The following UTRN variants were observed in gnomAD, a reference collection of about 807,000 sequenced individuals.
UTRN encodes the protein utrophin, also known as dystrophin-related protein 1.
Under a neutral mutation model 463.9 loss-of-function variants are expected in UTRN, and 283 were observed. The observed-to-expected ratio is 0.61, with a 90% CI of 0.55 to 0.67. The LOEUF is 0.67. Among genes scored for constraint, UTRN ranks in the 30% least tolerant of loss-of-function variants. UTRN has a pLI of 0.00. For synonymous variants in UTRN, 1,442 were observed against 1,431.5 expected, an observed-to-expected ratio of 1.01 and a Z score of -0.17; for missense variants, 3,922 against 4,084.3, an observed-to-expected ratio of 0.96 and a Z score of 1.08.
At chr6:144,581,130 G>A (rs958319777) in intron 51 of UTRN, among the ~76,000 whole-genome samples, 1 of 152,214 alleles carries the variant, frequency 6.6e-6, no homozygotes, top group African/African-American at 2.4e-5. Flanking sequence ...TAACATCCAG[G>A]AGGAATTGCC....
chr6:144,647,215 A>G (rs1300324987), intron 51 of UTRN, among the ~76,000 whole-genome samples: 1 of 152,210 alleles, frequency 6.6e-6, no homozygotes, highest in Admixed American at 6.5e-5. Context: ...GTGAACTGAT[A>G]TATTTAATTA....
intron 65 of UTRN, among the ~76,000 whole-genome samples, chr6:144,811,596 G>C (rs1325408922): frequency 6.6e-6 from 1 of 151,920 alleles, no homozygotes; most frequent in African/African-American, 2.4e-5. Context: ...AATTTTTTTA[G>C]CTTCATATAT....
intron 69 of UTRN, among the ~76,000 whole-genome samples, chr6:144,829,797 C>T (rs187894082): frequency 2.7e-5 from 4 of 150,804 alleles, no homozygotes; most frequent in African/African-American, 4.9e-5. Context: ...TTTTCTAAAA[C>T]TTGTTTTATT....
At chr6:144,590,191 A>G (rs1562615914) in intron 51 of UTRN, among the ~76,000 whole-genome samples, 1 of 152,128 alleles carries the variant, frequency 6.6e-6, no homozygotes, top group Non-Finnish European at 1.5e-5. Context: ...AAGGAAATAT[A>G]TTCTTTTCAA....
chr6:144,516,957 A>G lies in UTRN; in HGVS notation c.5541+9A>G. On this transcript the variant is annotated intron_variant, in intron 39 of 74. Transcript: ENST00000367545. ...GATACAACAAAATTAAGGTATTATG[A>G]TTGGAGAGTCTCTGTTGCATTTAAA... 1 of 1,458,620 alleles carries G rather than the reference A, an allele frequency of 6.9e-7. No individual in the cohort carries two copies. Among genetic ancestry groups the G allele is most frequent in the Non-Finnish European group, 9.0e-7 (1 of 1,108,996 alleles). 90.4% of individuals were successfully genotyped at this position (1,458,620 alleles called of 1,614,324 possible). A position where few individuals can be genotyped will look rare whatever the true frequency, so the allele number is the denominator to read the frequency against.
chr6:144,464,209 C>G (rs1034576634), intron 23 of UTRN, among the ~76,000 whole-genome samples: 2 of 152,082 alleles, frequency 1.3e-5, no homozygotes, highest in Non-Finnish European at 2.9e-5. Flanking sequence ...AGAAGAGGAG[C>G]TGGAAGACCT....
chr6:144,649,719 GGTATAAGCATTTT>G (rs1385078184), intron 51 of UTRN, among the ~76,000 whole-genome samples: 1 of 151,918 alleles, frequency 6.6e-6, no homozygotes, highest in African/African-American at 2.4e-5. Context: ...GAACTTGCAA[GGTATAAGCATTTT>G]GTATAAGTGT....
At chr6:144,819,700 TA>T (rs1262581780) in intron 65 of UTRN, among the ~76,000 whole-genome samples, 3 of 151,832 alleles carry the variant, frequency 2.0e-5, no homozygotes, top group Non-Finnish European at 4.4e-5. Context: ...CTCAAAAAAA[TA>T]AAAAAAGTTT....
At chr6:144,301,098 T>G (rs1805206101) in intron 2 of UTRN, among the ~76,000 whole-genome samples, 3 of 152,160 alleles carry the variant, frequency 2.0e-5, no homozygotes, top group Admixed American at 2.0e-4. Flanking sequence ...GTGTTCTAGT[T>G]TACTCTGTTA....
At position 144,700,101 on chromosome 6, in the gene UTRN, C is replaced by T. The variant is rs1480156267; in HGVS notation, c.7667C>T (p.Ala2556Val). 2 of 1,602,026 alleles carry T rather than the reference C, an allele frequency of 1.2e-6. No individual in the cohort carries two copies. The highest frequency in any genetic ancestry group is 1.3e-5 in the African/African-American group (1 of 74,630). Reference protein sequence around the residue: ...KSASIRAHLEASAEKWNRLLM... With the variant: ...KSASIRAHLEVSAEKWNRLLM... ...TCTCTCAACAGGGCCCATTTGGAGG[C>T]CAGCGCTGAGAAGTGGAACAGGTTG... Residue 2556 changes from alanine (A) to valine (V), a missense_variant, in exon 53 of 75, where the codon GCC becomes GTC. This residue lies in a region of UTRN where 1,309 missense variants were observed against 1,452.6 expected (regional missense o/e 0.90). Transcript: ENST00000367545.
At chr6:144,624,111 A>G (rs1775705895) in intron 51 of UTRN, among the ~76,000 whole-genome samples, 1 of 152,204 alleles carries the variant, frequency 6.6e-6, no homozygotes, top group Non-Finnish European at 1.5e-5. Context: ...GGACAGCTTG[A>G]TTAGTGGCTT....
At chr6:144,525,296 C>T (rs762935603) in intron 41 of UTRN, among the ~76,000 whole-genome samples, 6 of 152,088 alleles carry the variant, frequency 3.9e-5, no homozygotes, top group Non-Finnish European at 7.4e-5. Context: ...TAGAATTCAG[C>T]TCTGAACCCA....
intron 53 of UTRN, among the ~76,000 whole-genome samples, chr6:144,727,675 C>G (rs572870234): frequency 6.6e-6 from 1 of 152,114 alleles, no homozygotes; most frequent in African/African-American, 2.4e-5. Context: ...GGGAGAATGG[C>G]GTGAACCCAG....
At chr6:144,551,233 T>G in intron 48 of UTRN, 151 bp downstream of exon 48, 1 of 543,762 alleles carries the variant, frequency 1.8e-6, no homozygotes, top group Non-Finnish European at 3.1e-6. Flanking sequence ...ACTCTTTATT[T>G]ATACAGAAAT....
In UTRN at chr6:144,485,468, G is replaced by T; in HGVS notation, c.3771G>T (p.Lys1257Asn). 1 of 1,614,136 alleles carries T rather than the reference G, an allele frequency of 6.2e-7. No homozygotes were observed. The highest frequency in any genetic ancestry group is 8.5e-7 in the Non-Finnish European group (1 of 1,180,014). ...TAAACACTTTGGAAGAGCGGATGAA[G>T]AGCACAGAGGTCCTGCCTGAGAAGA... ...TWLNTLEERM[K>N]STEVLPEKTD... Residue 1257 changes from lysine to asparagine, a missense_variant, in exon 28 of 75, where the codon AAG (lysine) becomes AAT (asparagine). Coordinates refer to ENST00000367545, the MANE Select transcript of UTRN (RefSeq NM_007124.3).
intron 66 of UTRN, among the ~76,000 whole-genome samples, chr6:144,824,571 TTTATATATATATATATATA>T (rs1562954707): frequency 2.2e-5 from 1 of 46,100 alleles, no homozygotes; most frequent in Non-Finnish European, 3.8e-5. Flanking sequence ...TAGCATTTTA[TTTATATATATATATATATA>T]TATATATATA....
intron 72 of UTRN, 37 bp downstream of exon 72, chr6:144,839,321 T>G (rs560849210): frequency 6.6e-7 from 1 of 1,507,496 alleles, no homozygotes; most frequent in Non-Finnish European, 9.2e-7. Flanking sequence ...CTGCTGAGTC[T>G]GCTTTGTGCT....
intron 43 of UTRN, among the ~76,000 whole-genome samples, chr6:144,533,512 T>C (rs937182655): frequency 6.6e-6 from 1 of 152,132 alleles, no homozygotes; most frequent in African/African-American, 2.4e-5. Flanking sequence ...CTGCTTATTA[T>C]GATATGGTGA....
At chr6:144,657,191 G>A (rs1184783810) in intron 51 of UTRN, among the ~76,000 whole-genome samples, 4 of 148,538 alleles carry the variant, frequency 2.7e-5, no homozygotes, top group South Asian at 2.1e-4. Context: ...TGGAGGTTGC[G>A]CTGAGCTGAG....
Sources: allele counts gnomAD v4.1 joint callset (sites outside exome capture counted in the v4.1 genomes callset), GRCh38; gene constraint gnomAD v4.1.1; regional missense constraint gnomAD v4.1.1; transcripts MANE v1.5; gene names NCBI Gene and HGNC (gene_info 2026-07-23, HGNC 2026-07-21).